The following PRKDC variants were observed in gnomAD, a reference collection of about 807,000 sequenced individuals.
PRKDC encodes protein kinase, DNA-activated, catalytic subunit.
A neutral mutation model predicts 486.9 loss-of-function variants in PRKDC; 82 were observed. The ratio of observed to expected loss-of-function variants is 0.17; its 90% CI spans 0.14 to 0.20. The LOEUF (loss-of-function observed/expected upper bound fraction) is 0.20. Ranked by LOEUF, PRKDC falls within the 10% of genes least tolerant of loss-of-function variation. PRKDC has a pLI of 1.00. For synonymous variants in PRKDC, 1,895 were observed against 1,837.0 expected (o/e 1.03, Z -0.81); for missense variants, 4,504 against 5,038.2 (o/e 0.89, Z 3.21).
chr8:47,830,886 C>A (rs902717752), intron 60 of PRKDC, 150 bp from the exon 61 acceptor site: 2 of 875,068 alleles, frequency 2.3e-6, no homozygotes, highest in East Asian at 2.5e-5. Flanking sequence ...CGTACTTTAC[C>A]GTCTAGGGCA....
At chr8:47,941,452 C>T (rs1003864979) in intron 10 of PRKDC, among the ~76,000 whole-genome samples, 1 of 152,130 alleles carries the variant, frequency 6.6e-6, no homozygotes, top group Non-Finnish European at 1.5e-5. Flanking sequence ...AGCCGAGACC[C>T]AACAACCCAC....
chr8:47,955,212 C>T (rs1487136604), intron 4 of PRKDC, among the ~76,000 whole-genome samples: 2 of 148,664 alleles, frequency 1.3e-5, no homozygotes, highest in African/African-American at 5.0e-5. Flanking sequence ...CCTGTAATCC[C>T]AGCACTTTGG....
At chr8:47,812,021 C>T (rs980726142) in intron 68 of PRKDC, among the ~76,000 whole-genome samples, 2 of 152,116 alleles carry the variant, frequency 1.3e-5, no homozygotes, top group Non-Finnish European at 2.9e-5. Flanking sequence ...ACCTATGTAA[C>T]AAACCTGCAC....
intron 54 of PRKDC, among the ~76,000 whole-genome samples, chr8:47,841,387 G>A (rs1227374566): frequency 7.1e-6 from 1 of 141,048 alleles, no homozygotes; most frequent in Non-Finnish European, 1.6e-5. Context: ...GGTCTGGGGA[G>A]AGGCTGATCT....
intron 63 of PRKDC, among the ~76,000 whole-genome samples, chr8:47,826,128 A>C (rs539784646): frequency 6.6e-6 from 1 of 152,342 alleles, no homozygotes; most frequent in East Asian, 1.9e-4. Flanking sequence ...TTCAATCTTA[A>C]CCTAACAACC....
intron 80 of PRKDC, among the ~76,000 whole-genome samples, chr8:47,779,912 C>CTTTTTT (rs925534980): frequency 1.9e-5 from 2 of 107,066 alleles, no homozygotes; most frequent in Admixed American, 1.0e-4. Flanking sequence ...TTTGTTTTGT[C>CTTTTTT]TTTTTTTTTT....
intron 32 of PRKDC, 143 bp downstream of exon 32, chr8:47,890,114 G>C (rs1293932820): frequency 8.6e-6 from 3 of 349,820 alleles, no homozygotes; most frequent in Admixed American, 5.2e-5. Context: ...GAAAAGCTGG[G>C]TTGAGAGGAT....
chr8:47,853,715 C>T (rs908856689), intron 51 of PRKDC, among the ~76,000 whole-genome samples: 1 of 152,164 alleles, frequency 6.6e-6, no homozygotes, highest in African/African-American at 2.4e-5. Flanking sequence ...TACTTAACAC[C>T]TCTCACCTTC....
chr8:47,784,032 G>A (rs553003801), intron 77 of PRKDC: 6 of 505,192 alleles, frequency 1.2e-5, no homozygotes, highest in South Asian at 1.0e-4. Flanking sequence ...GCCAAGGCGA[G>A]CAGATCATGA....
At chr8:47,869,692 C>A (rs990840447) in intron 40 of PRKDC, among the ~76,000 whole-genome samples, 3 of 152,000 alleles carry the variant, frequency 2.0e-5, no homozygotes, top group African/African-American at 7.2e-5. Context: ...GCAACATGGG[C>A]ACCAGCTTGG....
chr8:47,835,620 CAAAAAAAAAAAAAAA>C (rs71548446), intron 58 of PRKDC, among the ~76,000 whole-genome samples: 12 of 20,480 alleles, frequency 5.9e-4, no homozygotes, highest in South Asian at 5.6e-3. Flanking sequence ...GACTCTGTCT[CAAAAAAAAAAAAAAA>C]AAAAAAAAAA....
At chr8:47,895,362 T>A (rs2089555052) in intron 30 of PRKDC, among the ~76,000 whole-genome samples, 1 of 152,220 alleles carries the variant, frequency 6.6e-6, no homozygotes, top group Non-Finnish European at 1.5e-5. Context: ...AAGGCTCACC[T>A]ACTACCTAGC....
Position 47,831,914 on chromosome 8 carries a change from C to G in PRKDC, c.8165G>C (p.Arg2722Pro), listed in dbSNP as rs763624830. The change falls in exon 60 of 86, where the codon CGG (arginine) becomes CCG (proline). Residue 2722 changes from arginine (R) to proline (P), a missense_variant. Arg to Pro is a moderately radical substitution (Grantham distance 103). Transcript: ENST00000314191. ...VDNKVKGAAG[R>P]TDLLRLRRRF... ...TCTGCGCAGTCGTAGTAGGTCCGTC[C>G]GGCCGGCCGCACCTGGAGAGGGAAA... The G allele has an allele frequency of 6.2e-7, 1 of 1,612,366 alleles. No individual in the cohort carries two copies. Among genetic ancestry groups the G allele is most frequent in the East Asian group, 2.2e-5 (1 of 44,822 alleles).
At position 47,893,240 on chromosome 8, in the gene PRKDC, C is replaced by T. The variant is rs1228037749; in HGVS notation, c.3746G>A (p.Ser1249Asn). The T allele has an allele frequency of 6.2e-7, 1 of 1,612,644 alleles. No individual in the cohort carries two copies. Among genetic ancestry groups the T allele is most frequent in the East Asian group, 2.2e-5 (1 of 44,846 alleles). Residue 1249 changes from serine (S) to asparagine (N), a missense_variant, in exon 31 of 86, where the codon AGC becomes AAC. By Grantham distance (46) the Ser-to-Asn change is conservative. This residue lies in a region of PRKDC where 1,969 missense variants were observed against 2,068.9 expected (regional missense o/e 0.95). Transcript: ENST00000314191. ...CAGCCAGCATAGCGTGGCCTGCAGG[C>T]TGAATGGCCCCCGAAGGTACAAGAG... ...PTLLYLRGPF[S>N]LQATLCWLDL...
chr8:47,815,539 C>T (rs968833206), intron 68 of PRKDC, among the ~76,000 whole-genome samples: 12 of 152,032 alleles, frequency 7.9e-5, no homozygotes, highest in African/African-American at 2.7e-4. Context: ...GCCTGTTGGC[C>T]AAATCTGAGA....
chr8:47,807,389 T>C, intron 68 of PRKDC, 63 bp from the exon 69 acceptor site: 4 of 1,325,786 alleles, frequency 3.0e-6, no homozygotes, highest in East Asian at 2.5e-5. Context: ...GGATAGCAAT[T>C]ACAGGCAGAA....
chr8:47,834,655 T>C (rs1340514954), intron 58 of PRKDC, among the ~76,000 whole-genome samples: 1 of 151,952 alleles, frequency 6.6e-6, no homozygotes, highest in Non-Finnish European at 1.5e-5. Context: ...TAACACTTTG[T>C]TATCTACTGA....
intron 73 of PRKDC, among the ~76,000 whole-genome samples, chr8:47,797,181 A>G (rs189556705): frequency 6.6e-6 from 1 of 152,322 alleles, no homozygotes; most frequent in East Asian, 1.9e-4. Flanking sequence ...AGCTCACGAG[A>G]GAGGCTACTG....
chr8:47,948,218 A>C (rs1441179731), intron 7 of PRKDC, among the ~76,000 whole-genome samples: 1 of 151,812 alleles, frequency 6.6e-6, no homozygotes, highest in Non-Finnish European at 1.5e-5. Flanking sequence ...ATCTCGGGTC[A>C]CTGCAGCCTC....
Sources: allele counts gnomAD v4.1 joint callset (sites outside exome capture counted in the v4.1 genomes callset), GRCh38; gene constraint gnomAD v4.1.1; regional missense constraint gnomAD v4.1.1; transcripts MANE v1.5; gene names NCBI Gene and HGNC (gene_info 2026-07-23, HGNC 2026-07-21).